PDE11A: variants seen among roughly 807,000 people sequenced by gnomAD.
PDE11A encodes dual 3',5'-cyclic-AMP and -GMP phosphodiesterase 11A.
PDE11A carries 100 observed loss-of-function variants against 100.5 expected under a neutral mutation model. That is an observed-to-expected ratio of 1.00 (90% CI 0.85 to 1.18). The LOEUF (loss-of-function observed/expected upper bound fraction) is 1.18, where lower values mean the gene tolerates loss of function less well. Ranked by LOEUF, PDE11A falls within the 50% of genes most tolerant of loss-of-function variation. PDE11A has a pLI of 0.00. For synonymous variants in PDE11A, 381 were observed against 420.8 expected (o/e 0.91, Z 1.16); for missense variants, 1,141 against 1,152.6 (o/e 0.99, Z 0.15).
chr2:178,026,284 T>A (rs1407191053), intron 1 of PDE11A, among the ~76,000 whole-genome samples: 1 of 152,238 alleles, frequency 6.6e-6, no homozygotes, highest in African/African-American at 2.4e-5. Flanking sequence ...AGTGATATGT[T>A]ATATTTTAAT....
intron 19 of PDE11A, among the ~76,000 whole-genome samples, chr2:177,642,015 G>GT (rs1018577262): frequency 3.3e-5 from 5 of 152,168 alleles, no homozygotes; most frequent in African/African-American, 1.2e-4. Flanking sequence ...CAGAGCCAGG[G>GT]TTTGGTCCCA....
At chr2:177,788,679 A>G (rs2082578764) in intron 9 of PDE11A, among the ~76,000 whole-genome samples, 1 of 151,630 alleles carries the variant, frequency 6.6e-6, no homozygotes, top group South Asian at 2.1e-4. Flanking sequence ...AGAATCAAAT[A>G]GATGCAATAA....
chr2:177,634,609 C>G (rs2080009596), intron 19 of PDE11A, among the ~76,000 whole-genome samples: 1 of 152,058 alleles, frequency 6.6e-6, no homozygotes, highest in Admixed American at 6.5e-5. Flanking sequence ...AGGGTGGTCT[C>G]CGTCTCCTGA....
intron 5 of PDE11A, among the ~76,000 whole-genome samples, chr2:177,845,041 A>G (rs1375042582): frequency 3.3e-5 from 5 of 151,688 alleles, no homozygotes; most frequent in African/African-American, 4.8e-5. Context: ...CCCGTTCTCA[A>G]TGAGCTGTTG....
intron 2 of PDE11A, among the ~76,000 whole-genome samples, chr2:177,979,368 G>A (rs1239255310): frequency 1.3e-5 from 2 of 150,642 alleles, no homozygotes; most frequent in African/African-American, 4.8e-5. Flanking sequence ...GGCTTACATG[G>A]TTGGTAATTA....
intron 5 of PDE11A, among the ~76,000 whole-genome samples, chr2:177,862,972 A>T (rs557375978): frequency 6.6e-5 from 10 of 152,034 alleles, no homozygotes; most frequent in Non-Finnish European, 5.9e-5. Context: ...AGATATTGAC[A>T]TAAAAACTGA....
rs141124195 is a variant in PDE11A, at chr2:177,625,297, G to A, written c.*4110C>T. 2.0e-5 allele frequency: 3 copies of A among 152,688 alleles called. No individual in the cohort carries two copies. Among genetic ancestry groups the A allele is most frequent in the South Asian group, 2.1e-4 (1 of 4,816 alleles). The allele number at this position is 152,688 out of a possible 1,614,324, so 9.5% of individuals were successfully genotyped here. On this transcript the variant is annotated 3_prime_UTR_variant, in exon 20 of 20. Transcript: ENST00000286063. ...GGAAAATTTCTTTAAAGCTAAACAC[G>A]TCTTGGTCCTTTGGTGTGGGGACTG... is the stretch of plus-strand genomic sequence containing the variant.
At chr2:177,949,566 G>T (rs1480489332) in intron 2 of PDE11A, among the ~76,000 whole-genome samples, 5 of 152,134 alleles carry the variant, frequency 3.3e-5, no homozygotes, top group African/African-American at 1.2e-4. Context: ...TAAAATGGAG[G>T]TGATCATAAT....
chr2:177,948,203 T>TA (rs2085467842), intron 2 of PDE11A, among the ~76,000 whole-genome samples: 1 of 152,214 alleles, frequency 6.6e-6, no homozygotes, highest in Admixed American at 6.5e-5. Context: ...CTTATTCTCT[T>TA]ACTATTTTCT....
At chr2:178,031,624 T>C (rs2086548440) in intron 1 of PDE11A, among the ~76,000 whole-genome samples, 1 of 151,878 alleles carries the variant, frequency 6.6e-6, no homozygotes, top group Non-Finnish European at 1.5e-5. Context: ...ACTTTTATAG[T>C]GAAAACTAAA....
At chr2:177,681,737 T>C (rs2080868552) in intron 15 of PDE11A, among the ~76,000 whole-genome samples, 1 of 152,154 alleles carries the variant, frequency 6.6e-6, no homozygotes, top group Non-Finnish European at 1.5e-5. Flanking sequence ...GTTGGACATG[T>C]CTCATTATTC....
chr2:178,083,411 T>C (rs558912364), intron 2 of PDE11A, among the ~76,000 whole-genome samples: 2 of 152,310 alleles, frequency 1.3e-5, no homozygotes, highest in East Asian at 1.9e-4. Flanking sequence ...TAGAACTAAA[T>C]ATTTGAAGGA....
At chr2:177,908,165 A>G (rs1055125299) in intron 2 of PDE11A, among the ~76,000 whole-genome samples, 1 of 152,202 alleles carries the variant, frequency 6.6e-6, no homozygotes, top group African/African-American at 2.4e-5. Flanking sequence ...CTTTCATACA[A>G]TTAATATGAT....
At chr2:177,701,817 G>A (rs2081201851) in intron 13 of PDE11A, among the ~76,000 whole-genome samples, 1 of 152,106 alleles carries the variant, frequency 6.6e-6, no homozygotes, top group African/African-American at 2.4e-5. Flanking sequence ...CCAGTCCATA[G>A]TCACACTGTG....
chr2:177,660,297 T>C (rs1527409), intron 19 of PDE11A, among the ~76,000 whole-genome samples: 149,336 of 151,852 alleles, frequency 0.98, 73,476 homozygotes, highest in East Asian at 1. Flanking sequence ...AGATAGCTAT[T>C]CATCGATTTG....
chr2:177,964,581 T>G (rs576920713), intron 2 of PDE11A, among the ~76,000 whole-genome samples: 1 of 152,298 alleles, frequency 6.6e-6, no homozygotes, highest in South Asian at 2.1e-4. Context: ...ATTGTTCCCT[T>G]CTTTGTGTCC....
At chr2:177,936,045 G>A (rs1406588706) in intron 2 of PDE11A, among the ~76,000 whole-genome samples, 1 of 152,100 alleles carries the variant, frequency 6.6e-6, no homozygotes, top group African/African-American at 2.4e-5. Flanking sequence ...TGTCTTCTAA[G>A]ACATCTATGT....
chr2:177,799,507 A>G (rs1396065720), intron 9 of PDE11A, among the ~76,000 whole-genome samples: 1 of 152,194 alleles, frequency 6.6e-6, no homozygotes, highest in Non-Finnish European at 1.5e-5. Flanking sequence ...TTCTCCATGT[A>G]AGTTCTCCCA....
chr2:177,855,571 A>G lies in PDE11A; in HGVS notation c.1368-15188T>C, dbSNP rs1393812722. Among the ~76,000 whole-genome samples the G allele has an allele frequency of 2.0e-5, 3 of 152,076 alleles. No individual in the cohort carries two copies. In the East Asian group the frequency reaches 5.8e-4, roughly 29 times the overall value. ...CAGCCTAGCAGCCACTTGCAGAGGAAGAATGAGTTTGGAACTCCCCAAAAG... is the reference window on the plus strand; with the variant it reads ...CAGCCTAGCAGCCACTTGCAGAGGAGGAATGAGTTTGGAACTCCCCAAAAG... On this transcript the variant is annotated intron_variant, in intron 5 of 19. Transcript: ENST00000286063.
Sources: gnomAD v4.1 joint callset for allele counts (sites outside exome capture counted in the v4.1 genomes callset) on GRCh38, gnomAD v4.1.1 for gene constraint, MANE v1.5 for transcripts, NCBI Gene and HGNC (gene_info 2026-07-23, HGNC 2026-07-21) for gene names.